Variants in OGFOD1 observed in about 807,000 individuals in gnomAD.
The protein encoded by OGFOD1 is prolyl 3-hydroxylase OGFOD1.
A neutral mutation model predicts 67.7 loss-of-function variants in OGFOD1; 54 were observed. That is an observed-to-expected ratio of 0.80 (90% confidence interval 0.64 to 1.00). The LOEUF is 1.00. OGFOD1 is among the 50% of genes least tolerant of loss of function. The pLI is 0.00. For missense variants in OGFOD1, 606 were observed against 646.7 expected (o/e 0.94, Z 0.68); for synonymous variants, 221 against 227.0 (o/e 0.97, Z 0.24).
chr16:56,470,297 T>C, intron 9 of OGFOD1, 190 bp from the exon 10 acceptor site: 1 of 664,590 alleles, frequency 1.5e-6, no homozygotes, highest in Non-Finnish European at 2.5e-6. Context: ...GATGTTTTGT[T>C]CTCAGGGACA....
chr16:56,457,296 G>A (rs1189554621), intron 2 of OGFOD1, among the ~76,000 whole-genome samples: 1 of 152,208 alleles, frequency 6.6e-6, no homozygotes, highest in Non-Finnish European at 1.5e-5. Flanking sequence ...ATTAGGCTAA[G>A]TGAAAGAAGT....
chr16:56,464,577 G>A (rs1326555238), intron 4 of OGFOD1, among the ~76,000 whole-genome samples: 1 of 152,046 alleles, frequency 6.6e-6, no homozygotes, highest in African/African-American at 2.4e-5. Context: ...CGTTTATATT[G>A]GTATGGATTT....
intron 2 of OGFOD1, 100 bp from the exon 3 acceptor site, chr16:56,458,448 T>A: frequency 9.3e-7 from 1 of 1,074,540 alleles, no homozygotes; most frequent in Non-Finnish European, 1.4e-6. Context: ...TCTGGGCTCT[T>A]AATGACAATG....
At chr16:56,451,542 C>T (rs1596960537), upstream of OGFOD1, 1 of 1,526,192 alleles carries the variant, frequency 6.6e-7, no homozygotes, top group South Asian at 1.2e-5. Context: ...AGGGGACATG[C>T]CGGGAGTTGC....
intron 7 of OGFOD1, among the ~76,000 whole-genome samples, chr16:56,467,636 A>G (rs1480422723): frequency 6.6e-6 from 1 of 152,094 alleles, no homozygotes; most frequent in Non-Finnish European, 1.5e-5. Flanking sequence ...CATGTTGGCC[A>G]GGCTGATCTC....
chr16:56,462,850 A>G (rs544776828), intron 4 of OGFOD1, among the ~76,000 whole-genome samples: 1 of 152,342 alleles, frequency 6.6e-6, no homozygotes, highest in Non-Finnish European at 1.5e-5. Flanking sequence ...GCTACTGACC[A>G]TATTTTCAGC....
chr16:56,469,305 C>T (rs576241568), intron 8 of OGFOD1, among the ~76,000 whole-genome samples: 31 of 152,262 alleles, frequency 2.0e-4, no homozygotes, highest in South Asian at 8.3e-4. Flanking sequence ...GAGATTGTCA[C>T]GGTAATGACC....
chr16:56,476,288 A>G lies in OGFOD1; in HGVS notation c.*83A>G. 7.7e-7 allele frequency: 1 copy of G among 1,304,010 alleles called. No individual in the cohort carries two copies. The highest frequency in any genetic ancestry group is 1.1e-6 in the Non-Finnish European group (1 of 941,050). 80.8% of individuals were successfully genotyped at this position (1,304,010 alleles called of 1,614,324 possible). A position where few individuals can be genotyped will look rare whatever the true frequency, so the allele number is the denominator to read the frequency against. On this transcript the variant is annotated 3_prime_UTR_variant, in exon 13 of 13. Transcript: ENST00000566157. Reference sequence around the variant, plus strand: ...AAGAGCTAAGCATGGAGTCAAGGAGAACTACATGGTAGCTTGCCTGACAGT... The same window carrying G: ...AAGAGCTAAGCATGGAGTCAAGGAGGACTACATGGTAGCTTGCCTGACAGT...
chr16:56,451,744 C>T lies in OGFOD1; in HGVS notation c.132C>T (p.Ser44=). The change falls in exon 1 of 13, where the codon AGC becomes AGT. Residue 44 remains serine, a synonymous_variant. Coordinates refer to ENST00000566157, the MANE Select transcript of OGFOD1 (RefSeq NM_018233.4). The part of the protein sequence containing the change: ...TLKKQVAEAW[S]RRTPFSHEVI... ...AAAAGCAGGTGGCTGAGGCCTGGAG[C>T]CGCAGGACGCCGTTCAGTCACGGTA... is the stretch of plus-strand genomic sequence containing the variant. The T allele has an allele frequency of 6.2e-7, 1 of 1,612,944 alleles. No individual in the cohort carries two copies. Among genetic ancestry groups the T allele is most frequent in the East Asian group, 2.2e-5 (1 of 44,876 alleles).
chr16:56,462,483 C>T, intron 3 of OGFOD1, 51 bp from the exon 4 acceptor site: 1 of 1,144,856 alleles, frequency 8.7e-7, no homozygotes. Flanking sequence ...ACAGTTGTGA[C>T]CTAGATCCCA....
intron 4 of OGFOD1, among the ~76,000 whole-genome samples, chr16:56,463,050 C>T (rs1962767288): frequency 6.6e-6 from 1 of 152,134 alleles, no homozygotes; most frequent in Non-Finnish European, 1.5e-5. Flanking sequence ...AACAATATTG[C>T]AGGTATATGG....
chr16:56,462,596 C>A lies in OGFOD1; in HGVS notation c.410C>A (p.Ser137Ter). Residue 137 changes from serine (S) to a stop codon, truncating the protein, a stop_gained, in exon 4 of 13, where the codon TCA (serine) becomes TAA (stop). Transcript: ENST00000566157. LOFTEE classifies it high-confidence loss of function. The stretch of plus-strand genomic sequence containing the variant: ...GATATTTCTAAAATTGACCTGGAAT[C>A]AACCATTGACATGTCCTGTGCTAAA... ...LSDISKIDLE[S>*]TIDMSCAKYE... is the part of the protein sequence containing the mutation. 6.2e-7 allele frequency: 1 copy of A among 1,611,936 alleles called. No homozygotes were observed. Among genetic ancestry groups the A allele is most frequent in the South Asian group, 1.1e-5 (1 of 91,024 alleles).
chr16:56,453,242 A>G (rs1040909852), intron 1 of OGFOD1, 21 bp from the exon 2 acceptor site: 98 of 1,599,062 alleles, frequency 6.1e-5, no homozygotes, highest in Non-Finnish European at 8.3e-5. Context: ...AAAGCCATAG[A>G]TAATGTTTTT....
chr16:56,466,071 A>G, intron 4 of OGFOD1, 81 bp from the exon 5 acceptor site: 1 of 947,206 alleles, frequency 1.1e-6, no homozygotes, highest in South Asian at 1.4e-5. Flanking sequence ...TGAATGTCAA[A>G]CGGACTGATA....
At position 56,477,212 on chromosome 16, in the gene OGFOD1, C is replaced by T. The variant is rs1382212729; in HGVS notation, c.*1007C>T. On this transcript the variant is annotated 3_prime_UTR_variant, in exon 13 of 13. Coordinates refer to ENST00000566157, the MANE Select transcript of OGFOD1 (RefSeq NM_018233.4). ...TTTCTGGTTTAGAAAATTATGGAGC[C>T]TTACATCCTGATCATGCTGGGCCTT... The T allele has an allele frequency of 6.6e-6, 1 of 152,178 alleles. No individual in the cohort carries two copies. The highest frequency in any genetic ancestry group is 2.4e-5 in the African/African-American group (1 of 41,448). The allele number at this position is 152,178 out of a possible 1,614,324, so 9.4% of individuals were successfully genotyped here.
chr16:56,454,653 G>GCA (rs1962459802), intron 2 of OGFOD1: 4 of 299,256 alleles, frequency 1.3e-5, no homozygotes, highest in South Asian at 1.1e-4. Flanking sequence ...ATTGGGGGGG[G>GCA]AAAAAAAAAA....
Position 56,470,476 on chromosome 16 carries a change from C to T in OGFOD1, c.981-11C>T. On this transcript the variant is annotated splice_polypyrimidine_tract_variant and intron_variant, in intron 9 of 12. Transcript: ENST00000566157. ...GGCTTTGATGAACAACTTGACATTG[C>T]TGTTTTTCAGGTTTTATGAGAAAGC... 1 of 1,589,770 alleles carries T rather than the reference C, an allele frequency of 6.3e-7. No homozygotes were observed. Among genetic ancestry groups the T allele is most frequent in the South Asian group, 1.2e-5 (1 of 86,956 alleles).
In OGFOD1 at chr16:56,470,040, A is replaced by G. The variant is rs752839344; in HGVS notation, c.938A>G (p.His313Arg). The change falls in exon 9 of 13, where the codon CAT (histidine) becomes CGT (arginine). Residue 313 changes from histidine (H) to arginine (R), a missense_variant. His to Arg is a conservative substitution (Grantham distance 29). Coordinates refer to ENST00000566157, the MANE Select transcript of OGFOD1 (RefSeq NM_018233.4). ...KFTKVCEALEHGHVEWSSRGP... is the reference protein window; with the variant it reads ...KFTKVCEALERGHVEWSSRGP... ...ACGAAAGTCTGTGAGGCCTTGGAGC[A>G]TGGACATGTGGAATGGAGCAGCCGA... The G allele has an allele frequency of 5.6e-6, 9 of 1,614,134 alleles. No homozygotes were observed. The highest frequency in any genetic ancestry group is 6.8e-6 in the Non-Finnish European group (8 of 1,180,022).
At chr16:56,468,053 T>G in intron 8 of OGFOD1, 35 bp downstream of exon 8, 1 of 1,187,624 alleles carries the variant, frequency 8.4e-7, no homozygotes, top group Non-Finnish European at 1.3e-6. Context: ...AATATTTTGT[T>G]TGGCATGCAA....
Sources: gnomAD v4.1 joint callset for allele counts (sites outside exome capture counted in the v4.1 genomes callset) on GRCh38, gnomAD v4.1.1 for gene constraint, MANE v1.5 for transcripts, NCBI Gene and HGNC (gene_info 2026-07-23, HGNC 2026-07-21) for gene names.